MACROD1: variants seen among roughly 807,000 people sequenced by gnomAD.
MACROD1 encodes ADP-ribose glycohydrolase MACROD1.
In MACROD1, 31 loss-of-function variants were observed where a neutral mutation model predicts 41.4. The ratio of observed to expected loss-of-function variants is 0.75; its 90% CI spans 0.56 to 1.01. MACROD1 has a LOEUF of 1.01. MACROD1 is among the 50% of genes least tolerant of loss of function. The pLI is 0.00. For synonymous variants in MACROD1, 252 were observed against 203.4 expected, an observed-to-expected ratio of 1.24 and a Z score of -2.03; for missense variants, 473 against 460.0, an observed-to-expected ratio of 1.03 and a Z score of -0.26.
intron 3 of MACROD1, among the ~76,000 whole-genome samples, chr11:64,046,500 C>A (rs547263921): frequency 1.3e-5 from 2 of 152,294 alleles, no homozygotes; most frequent in East Asian, 3.9e-4. Flanking sequence ...TGTCTGGGAC[C>A]CTGCGCTGTG....
intron 3 of MACROD1, among the ~76,000 whole-genome samples, chr11:64,129,393 G>A (rs1330462446): frequency 2.0e-5 from 3 of 152,218 alleles, no homozygotes; most frequent in Admixed American, 2.0e-4. Flanking sequence ...ATGCCACTGG[G>A]AGTGCCCAGC....
intron 2 of MACROD1, among the ~76,000 whole-genome samples, chr11:64,152,044 G>A (rs925809386): frequency 5.3e-5 from 8 of 152,294 alleles, no homozygotes; most frequent in East Asian, 1.9e-4. Context: ...CAGGAGAATC[G>A]CTTGAACCCG....
chr11:64,116,957 C>T lies in MACROD1; in HGVS notation c.517+34282G>A, dbSNP rs377387995. 9.3e-6 allele frequency: 15 copies of T among 1,611,692 alleles called. No homozygotes were observed. The African/African-American group carries it at 1.1e-4, about 11-fold the overall frequency. On this transcript the variant is annotated intron_variant, in intron 3 of 10. Transcript: ENST00000255681. Reference sequence around the variant, plus strand: ...ACAGCCTGCGGCGCCTGGTGCTGGACGGTAACCTGCTGGCCAACCAGCGCA... The same window carrying T: ...ACAGCCTGCGGCGCCTGGTGCTGGATGGTAACCTGCTGGCCAACCAGCGCA...
At chr11:64,075,148 G>T (rs374683928) in intron 3 of MACROD1, among the ~76,000 whole-genome samples, 2 of 152,208 alleles carry the variant, frequency 1.3e-5, no homozygotes, top group African/African-American at 4.8e-5. Flanking sequence ...AAAACGGTTG[G>T]TGAGGCTGAC....
chr11:64,067,836 AG>A lies in MACROD1; in HGVS notation c.518-52556del, dbSNP rs1944033841. Among the ~76,000 whole-genome samples, 1 of 151,922 alleles carries A rather than the reference AG, an allele frequency of 6.6e-6. No homozygotes were observed. Among genetic ancestry groups the A allele is most frequent in the South Asian group, 2.1e-4 (1 of 4,794 alleles). On this transcript the variant is annotated intron_variant, in intron 3 of 10. Transcript: ENST00000255681. This position sits in a 1 kb window ranked among gnomAD's most constrained non-coding sequence, Gnocchi z 4.6. Reference sequence around the variant, plus strand: ...CCCCACACTCCTGAAATGGGTGATGAGGGGGTTGGGGGAGGAGCTGAGCGGC... The same window carrying A: ...CCCCACACTCCTGAAATGGGTGATGAGGGGTTGGGGGAGGAGCTGAGCGGC...
intron 3 of MACROD1, among the ~76,000 whole-genome samples, chr11:64,127,164 A>G (rs1412060239): frequency 6.6e-6 from 1 of 152,174 alleles, no homozygotes; most frequent in Non-Finnish European, 1.5e-5. Flanking sequence ...GTGCCTTGAA[A>G]CTTCAATGTT....
At chr11:64,151,156 G>T in intron 3 of MACROD1, 83 bp downstream of exon 3, 1 of 1,185,140 alleles carries the variant, frequency 8.4e-7, no homozygotes, top group Non-Finnish European at 1.2e-6. Context: ...GAGCCAGGTG[G>T]CGTCCACCCA....
intron 3 of MACROD1, among the ~76,000 whole-genome samples, chr11:64,049,737 C>G (rs1943655161): frequency 6.6e-6 from 1 of 152,242 alleles, no homozygotes. Flanking sequence ...GCCTTCTCAT[C>G]CTGAGGGGGA....
chr11:64,126,168 A>G (rs1945177110), intron 3 of MACROD1, among the ~76,000 whole-genome samples: 1 of 151,906 alleles, frequency 6.6e-6, no homozygotes, highest in Non-Finnish European at 1.5e-5. Flanking sequence ...CCCCAACACA[A>G]CGCACCTCCA....
chr11:64,156,906 G>C (rs1180804170), intron 1 of MACROD1, among the ~76,000 whole-genome samples: 1 of 152,214 alleles, frequency 6.6e-6, no homozygotes, highest in Non-Finnish European at 1.5e-5. Context: ...TGGCCTGGCT[G>C]ATCCCCAAAG....
At position 64,055,052 on chromosome 11, in the gene MACROD1, A is replaced by G. The variant is rs570232933; in HGVS notation, c.518-39771T>C. Reference sequence around the variant, plus strand: ...TTCCCATGCTGACAGCCCTTCCTCCAGGAAGCCTTCCTAGATCCCCCCAGC... The same window carrying G: ...TTCCCATGCTGACAGCCCTTCCTCCGGGAAGCCTTCCTAGATCCCCCCAGC... On this transcript the variant is annotated intron_variant, in intron 3 of 10. Transcript: ENST00000255681. Among the ~76,000 whole-genome samples, 22 of 151,962 alleles carry G rather than the reference A, an allele frequency of 1.4e-4. No homozygotes were observed. In the South Asian group the frequency reaches 4.6e-3, roughly 32 times the overall value.
In MACROD1 at chr11:64,090,466, CCT is replaced by C. The variant is rs1944469372; in HGVS notation, c.517+60771_517+60772del. 6.6e-6 allele frequency among the ~76,000 whole-genome samples: 1 copy of C among 152,168 alleles called. No individual in the cohort carries two copies. Among genetic ancestry groups the C allele is most frequent in the Non-Finnish European group, 1.5e-5 (1 of 68,012 alleles). The stretch of plus-strand genomic sequence containing the variant: ...GTCGATAATAATTTACGAGGCAGCC[CCT>C]GAGGTGGAGGAGGAGGAGGAGGCCA... On this transcript the variant is annotated intron_variant, in intron 3 of 10. Coordinates refer to ENST00000255681, the MANE Select transcript of MACROD1 (RefSeq NM_014067.4). This position sits in a 1 kb window ranked among gnomAD's most constrained non-coding sequence, Gnocchi z 4.7.
At position 64,122,449 on chromosome 11, in the gene MACROD1, G is replaced by A. The variant is rs1339229511; in HGVS notation, c.517+28790C>T. Reference sequence around the variant, plus strand: ...CAACCTGACTCTCCCAAAGCCCAAAGCCCACACCTGCCGTGTGCCTCTTCT... The same window carrying A: ...CAACCTGACTCTCCCAAAGCCCAAAACCCACACCTGCCGTGTGCCTCTTCT... On this transcript the variant is annotated intron_variant, in intron 3 of 10. Transcript: ENST00000255681. This position sits in a 1 kb window ranked among gnomAD's most constrained non-coding sequence, Gnocchi z 4.0. Among the ~76,000 whole-genome samples, 2 of 152,142 alleles carry A rather than the reference G, an allele frequency of 1.3e-5. No individual in the cohort carries two copies. The highest frequency in any genetic ancestry group is 2.9e-5 in the Non-Finnish European group (2 of 68,010).
intron 3 of MACROD1, among the ~76,000 whole-genome samples, chr11:64,027,359 TG>T (rs1327759929): frequency 6.6e-6 from 1 of 151,674 alleles, no homozygotes; most frequent in Non-Finnish European, 1.5e-5. Flanking sequence ...ATTGAAGAGG[TG>T]GTCCTGGAGG....
intron 3 of MACROD1, chr11:64,148,595 A>G: frequency 2.5e-6 from 1 of 402,460 alleles, no homozygotes; most frequent in African/African-American, 2.2e-5. Flanking sequence ...AGGCACTGAG[A>G]AGCAATTATT....
chr11:64,114,529 G>T (rs1328058963), intron 3 of MACROD1, among the ~76,000 whole-genome samples: 2 of 130,748 alleles, frequency 1.5e-5, no homozygotes, highest in African/African-American at 2.6e-5. Context: ...GGATGGACAG[G>T]TGGATGTATG....
intron 3 of MACROD1, among the ~76,000 whole-genome samples, chr11:64,060,995 G>C (rs545113822): frequency 2.0e-4 from 30 of 152,042 alleles, no homozygotes; most frequent in African/African-American, 5.5e-4. Flanking sequence ...GGCCGGCGTC[G>C]ACCTTCCCCG....
chr11:64,040,900 C>T (rs542994249), intron 3 of MACROD1, among the ~76,000 whole-genome samples: 9 of 152,096 alleles, frequency 5.9e-5, no homozygotes, highest in East Asian at 3.9e-4. Context: ...CCCAGGCATC[C>T]GACGTCCGGC....
At chr11:64,065,625 T>C (rs1590860451) in intron 3 of MACROD1, among the ~76,000 whole-genome samples, 1 of 82,332 alleles carries the variant, frequency 1.2e-5, no homozygotes, top group African/African-American at 3.2e-5. Context: ...CAGTCTCTAC[T>C]AAAAAATACA....
Sources: allele counts gnomAD v4.1 joint callset (sites outside exome capture counted in the v4.1 genomes callset), GRCh38; gene constraint gnomAD v4.1.1; non-coding constraint Gnocchi (gnomAD v3.1); transcripts MANE v1.5; gene names NCBI Gene and HGNC (gene_info 2026-07-23, HGNC 2026-07-21).